NLGN1: variants seen among roughly 807,000 people sequenced by gnomAD.
NLGN1 encodes the protein neuroligin 1, also known as neuroligin-1.
NLGN1 carries 12 observed loss-of-function variants against 65.5 expected under a neutral mutation model. That is an observed-to-expected ratio of 0.18 (90% CI 0.12 to 0.30). The LOEUF is 0.30. Among genes scored for constraint, NLGN1 ranks in the 10% least tolerant of loss-of-function variants. The pLI is 1.00. For missense variants in NLGN1, 750 were observed against 1,007.1 expected (o/e 0.74, Z 3.46); for synonymous variants, 350 against 359.5 (o/e 0.97, Z 0.30).
chr3:173,422,295 T>G (rs1274056551), intron 1 of NLGN1, among the ~76,000 whole-genome samples: 1 of 152,152 alleles, frequency 6.6e-6, no homozygotes, highest in Admixed American at 6.5e-5. Flanking sequence ...CACATGTACT[T>G]ACTCATACGT....
At chr3:173,456,978 C>A (rs1426956741) in intron 2 of NLGN1, among the ~76,000 whole-genome samples, 1 of 152,038 alleles carries the variant, frequency 6.6e-6, no homozygotes, top group Non-Finnish European at 1.5e-5. Flanking sequence ...TCAGGGAGAA[C>A]CATGGGAGGG....
At chr3:173,625,532 C>T (rs1754692708) in intron 3 of NLGN1, among the ~76,000 whole-genome samples, 1 of 152,146 alleles carries the variant, frequency 6.6e-6, no homozygotes, top group Admixed American at 6.6e-5. Context: ...GAGAAAGTCT[C>T]TGTCTTCCCC....
At chr3:173,650,018 A>T (rs778673589) in intron 3 of NLGN1, among the ~76,000 whole-genome samples, 3 of 152,100 alleles carry the variant, frequency 2.0e-5, no homozygotes, top group Admixed American at 6.5e-5. Context: ...ACCTAAATTT[A>T]TATTTTTTAT....
intron 4 of NLGN1, among the ~76,000 whole-genome samples, chr3:173,898,132 CAATTCTA>C (rs1256635214): frequency 6.6e-6 from 1 of 152,112 alleles, no homozygotes; most frequent in Non-Finnish European, 1.5e-5. Context: ...TTACTTGTAA[CAATTCTA>C]AATTTTGCTA....
chr3:173,600,592 C>CTTTTTTTTTTTTTTTTTT (rs150984290), intron 2 of NLGN1, among the ~76,000 whole-genome samples: 1,474 of 103,286 alleles, frequency 0.014, 242 homozygotes, highest in African/African-American at 0.044. Flanking sequence ...AAAAACATAT[C>CTTTTTTTTTTTTTTTTTT]TTTTTTTTTA....
chr3:173,994,979 G>A (rs1721966981), intron 4 of NLGN1, among the ~76,000 whole-genome samples: 1 of 152,160 alleles, frequency 6.6e-6, no homozygotes, highest in East Asian at 1.9e-4. Flanking sequence ...AAAAATGGTT[G>A]TCAGTGTAAG....
intron 4 of NLGN1, among the ~76,000 whole-genome samples, chr3:174,106,980 T>TCACACACACACACA (rs370193288): frequency 8.8e-6 from 1 of 113,094 alleles, no homozygotes; most frequent in Non-Finnish European, 1.9e-5. Context: ...TCTTCAAGAA[T>TCACACACACACACA]CACACACACA....
At chr3:174,181,976 CAA>C (rs551914698) in intron 4 of NLGN1, among the ~76,000 whole-genome samples, 19 of 44,394 alleles carry the variant, frequency 4.3e-4, no homozygotes, top group South Asian at 1.1e-3. Context: ...GACTTGGTGT[CAA>C]AAAAAAAAAA....
intron 4 of NLGN1, among the ~76,000 whole-genome samples, chr3:173,943,530 G>T (rs977972888): frequency 1.3e-5 from 2 of 152,120 alleles, no homozygotes; most frequent in Non-Finnish European, 2.9e-5. Context: ...TCTTTGTTAG[G>T]TAATGGCGAG....
At position 174,152,251 on chromosome 3, in the gene NLGN1, A is replaced by G. The variant is rs528504181; in HGVS notation, c.647-123064A>G. On this transcript the variant is annotated intron_variant, in intron 4 of 6. Coordinates refer to ENST00000457714, the Ensembl canonical transcript of NLGN1. The stretch of plus-strand genomic sequence containing the variant: ...AGGAAAAAAGTTTATGTCTATATCT[A>G]TATGTCTATCCTTCTATATATATGT... Among the ~76,000 whole-genome samples the G allele has an allele frequency of 1.1e-4, 16 of 152,310 alleles. No individual in the cohort carries two copies. The East Asian group carries it at 1.7e-3, about 17-fold the overall frequency.
intron 2 of NLGN1, among the ~76,000 whole-genome samples, chr3:173,447,648 G>T (rs1252985303): frequency 2.6e-5 from 4 of 152,214 alleles, no homozygotes; most frequent in East Asian, 3.9e-4. Context: ...AATTACCTTG[G>T]GCAGTATGGC....
intron 4 of NLGN1, among the ~76,000 whole-genome samples, chr3:174,072,058 A>G (rs552178143): frequency 1.3e-3 from 191 of 152,330 alleles, no homozygotes; most frequent in African/African-American, 4.1e-3. Context: ...TGCATAGTTG[A>G]TAACAGAGAA....
chr3:173,655,360 C>T (rs1358747221), intron 3 of NLGN1, among the ~76,000 whole-genome samples: 1 of 151,990 alleles, frequency 6.6e-6, no homozygotes, highest in Non-Finnish European at 1.5e-5. Context: ...TATATATGAA[C>T]CTTTTTGTAT....
intron 4 of NLGN1, among the ~76,000 whole-genome samples, chr3:173,890,785 G>T (rs879386988): frequency 6.6e-6 from 1 of 152,094 alleles, no homozygotes; most frequent in Admixed American, 6.6e-5. Flanking sequence ...TTCACACATG[G>T]CAATAGGAGC....
chr3:174,281,061 T>G, exon 7 of NLGN1: 2 of 1,613,388 alleles, frequency 1.2e-6, no homozygotes, highest in Non-Finnish European at 1.7e-6. Context: ...GGATCATGAA[T>G]GTGAGTCCAT....
At chr3:173,492,204 T>C (rs525502) in intron 2 of NLGN1, among the ~76,000 whole-genome samples, 15,752 of 151,876 alleles carry the variant, frequency 0.1, 990 homozygotes, top group Admixed American at 0.18. Flanking sequence ...GAAAAGTGTT[T>C]AGTGCAGTAT....
intron 3 of NLGN1, among the ~76,000 whole-genome samples, chr3:173,797,448 T>C (rs1714354437): frequency 6.6e-6 from 1 of 152,106 alleles, no homozygotes; most frequent in Non-Finnish European, 1.5e-5. Context: ...TTTTATTTAG[T>C]ATCAATAAAT....
At chr3:173,684,715 T>C (rs1484505028) in intron 3 of NLGN1, among the ~76,000 whole-genome samples, 1 of 152,200 alleles carries the variant, frequency 6.6e-6, no homozygotes, top group African/African-American at 2.4e-5. Context: ...AAATTACATA[T>C]TGAGAATTTA....
intron 4 of NLGN1, among the ~76,000 whole-genome samples, chr3:174,213,922 A>G (rs1360255930): frequency 1.3e-5 from 2 of 152,178 alleles, no homozygotes; most frequent in East Asian, 1.9e-4. Flanking sequence ...CTATTTTACC[A>G]TATTTAATTT....
Sources: gnomAD v4.1 joint callset for allele counts (sites outside exome capture counted in the v4.1 genomes callset) on GRCh38, gnomAD v4.1.1 for gene constraint, MANE v1.5 for transcripts, NCBI Gene and HGNC (gene_info 2026-07-23, HGNC 2026-07-21) for gene names.